ELN: variants seen among roughly 807,000 people sequenced by gnomAD.
ELN encodes the protein elastin.
A neutral mutation model predicts 105.8 loss-of-function variants in ELN; 65 were observed. That is an observed-to-expected ratio of 0.61 (90% confidence interval 0.50 to 0.75). The LOEUF is 0.75. Ranked by LOEUF, ELN falls within the 30% of genes least tolerant of loss-of-function variation. The pLI, the probability that ELN is intolerant of heterozygous loss-of-function variation, is 0.00. For missense variants in ELN, 882 were observed against 969.4 expected, an observed-to-expected ratio of 0.91 and a Z score of 1.20; for synonymous variants, 368 against 389.2, an observed-to-expected ratio of 0.95 and a Z score of 0.64.
intron 15 of ELN, among the ~76,000 whole-genome samples, chr7:74,050,061 CCATT>C (rs1793638644): frequency 6.6e-6 from 1 of 151,008 alleles, no homozygotes; most frequent in South Asian, 2.1e-4. Flanking sequence ...ATCCTTCCAT[CCATT>C]CATCCATCCA....
At chr7:74,046,371 C>A (rs1453959399) in intron 11 of ELN, among the ~76,000 whole-genome samples, 154 bp downstream of exon 11, 1 of 152,246 alleles carries the variant, frequency 6.6e-6, no homozygotes, top group Non-Finnish European at 1.5e-5. Flanking sequence ...CAAAGTGGCA[C>A]CCATCCCAGG....
chr7:74,042,096 G>T (rs1791354701), intron 5 of ELN, among the ~76,000 whole-genome samples: 1 of 151,832 alleles, frequency 6.6e-6, no homozygotes, highest in Admixed American at 6.6e-5. Flanking sequence ...TTTTGTCAGA[G>T]CTGTCTAACA....
chr7:74,066,982 G>A (rs933652213), intron 32 of ELN, among the ~76,000 whole-genome samples: 1 of 152,172 alleles, frequency 6.6e-6, no homozygotes, highest in African/African-American at 2.4e-5. Flanking sequence ...GGGAACATTT[G>A]CTTTTTAAAA....
chr7:74,029,684 A>C (rs1369094385), intron 1 of ELN, among the ~76,000 whole-genome samples: 2 of 152,178 alleles, frequency 1.3e-5, no homozygotes, highest in Non-Finnish European at 2.9e-5. Flanking sequence ...CAGCAGGGGC[A>C]ACGAGCCAGG....
rs782456792 is a variant in ELN at position 74,051,996 on chromosome 7, C to A, written c.949+13C>A. The A allele has an allele frequency of 1.9e-6, 3 of 1,612,464 alleles. No individual in the cohort carries two copies. The South Asian group carries it at 3.3e-5, about 18-fold the overall frequency. On this transcript the variant is annotated intron_variant, in intron 17 of 32. Transcript: ENST00000252034. ...GCAGCCAAGTATGGTGAGTGCCTCC[C>A]GGGGTGGCAAGTCCACGGCTCGGGC...
chr7:74,054,738 T>A lies in ELN; in HGVS notation c.1119T>A (p.Ala373=). The change falls in exon 19 of 33, where the codon GCT becomes GCA. Residue 373 remains alanine, a synonymous_variant. Coordinates refer to ENST00000252034, the MANE Select transcript of ELN (RefSeq NM_000501.4). ...CAGGGGTTGTGTCACCAGAAGCAGC[T>A]GCTAAGGCAGCTGCAAAGGCAGCCA... is the stretch of plus-strand genomic sequence containing the variant. ...AVPGVVSPEA[A]AKAAAKAAKY... 6.2e-7 allele frequency: 1 copy of A among 1,614,178 alleles called. No individual in the cohort carries two copies. The highest frequency in any genetic ancestry group is 8.5e-7 in the Non-Finnish European group (1 of 1,180,016).
rs1676727634 is a variant in ELN, at chr7:74,063,030, C to T, written c.1787-123C>T. On this transcript the variant is annotated intron_variant, in intron 26 of 32. Coordinates refer to ENST00000252034, the MANE Select transcript of ELN (RefSeq NM_000501.4). The surrounding 1 kb of genome is among the most constrained non-coding windows in gnomAD (Gnocchi z 4.1). ...TGAAACAAAATATGGACTGGACTTC[C>T]TGTCCACTGCTCCTCCACAGTGTCA... The T allele has an allele frequency of 2.4e-6, 3 of 1,237,994 alleles. No individual in the cohort carries two copies. Among genetic ancestry groups the T allele is most frequent in the Non-Finnish European group, 3.4e-6 (3 of 887,106 alleles). The allele number at this position is 1,237,994 out of a possible 1,614,324, so 76.7% of individuals were successfully genotyped here.
Position 74,028,254 on chromosome 7 carries a change from C to A in ELN, c.67C>A (p.Pro23Thr). The part of the protein sequence containing the change: ...VLLLLLSILH[P>T]SRPGGVPGAI... Reference sequence around the variant, plus strand: ...CCTGCTCCTGCTGTCCATCCTCCACCCCTCTCGGCCTGGAGGTAAGGACCC... The same window carrying A: ...CCTGCTCCTGCTGTCCATCCTCCACACCTCTCGGCCTGGAGGTAAGGACCC... The change falls in exon 1 of 33, where the codon CCC (proline) becomes ACC (threonine). Residue 23 changes from proline (P) to threonine (T), a missense_variant. Coordinates refer to ENST00000252034, the MANE Select transcript of ELN (RefSeq NM_000501.4). The A allele has an allele frequency of 6.2e-7, 1 of 1,609,356 alleles. No individual in the cohort carries two copies. Among genetic ancestry groups the A allele is most frequent in the Non-Finnish European group, 8.5e-7 (1 of 1,179,546 alleles).
rs1554670410 is a variant in ELN at position 74,043,903 on chromosome 7, C to T, written c.452C>T (p.Pro151Leu). ...VPGVGLPGVY[P>L]GGVLPGARFP... is the part of the protein sequence containing the mutation. The stretch of plus-strand genomic sequence containing the variant: ...GGTGTGGGGCTGCCAGGTGTATACC[C>T]AGGTGGCGTGCTCCCAGGTGAGAGC... The change falls in exon 9 of 33, where the codon CCA becomes CTA. Residue 151 changes from proline to leucine, a missense_variant. Transcript: ENST00000252034. 3.1e-6 allele frequency: 5 copies of T among 1,614,034 alleles called. No homozygotes were observed. The South Asian group carries it at 5.5e-5, about 18-fold the overall frequency.
intron 1 of ELN, among the ~76,000 whole-genome samples, chr7:74,028,862 TTGTG>T (rs143136809): frequency 4.0e-4 from 60 of 149,286 alleles, no homozygotes; most frequent in African/African-American, 9.8e-4. Context: ...TGGTATGCAT[TTGTG>T]TGTGTGTGTG....
intron 22 of ELN, 140 bp downstream of exon 22, chr7:74,057,836 C>A: frequency 3.2e-6 from 3 of 924,234 alleles, no homozygotes; most frequent in Admixed American, 2.1e-5. Context: ...CTCCTTAGAC[C>A]TTTTGGCCCA....
intron 18 of ELN, among the ~76,000 whole-genome samples, chr7:74,053,730 G>A (rs1484847650): frequency 1.3e-5 from 2 of 151,802 alleles, no homozygotes; most frequent in Admixed American, 1.3e-4. Flanking sequence ...ATGGGTGGGT[G>A]GATGGATGGA....
intron 11 of ELN, 96 bp from the exon 12 acceptor site, chr7:74,046,600 T>C: frequency 7.4e-7 from 1 of 1,348,268 alleles, no homozygotes; most frequent in Non-Finnish European, 1.1e-6. Context: ...CTGGATGCTG[T>C]AGCAAGCTCC....
intron 21 of ELN, chr7:74,057,290 T>C (rs1795461124): frequency 9.5e-7 from 1 of 1,058,142 alleles, no homozygotes. Flanking sequence ...CAGGAAGCCA[T>C]TCTCTTCTTC....
At position 74,051,822 on chromosome 7, in the gene ELN, G is replaced by A. The variant is rs1554676243; in HGVS notation, c.872G>A (p.Gly291Glu). 1.2e-6 allele frequency: 2 copies of A among 1,614,212 alleles called. No homozygotes were observed. The highest frequency in any genetic ancestry group is 1.7e-5 in the Admixed American group (1 of 60,032). The change falls in exon 16 of 33, where the codon GGA becomes GAA. Residue 291 changes from glycine (G) to glutamate (E), a missense_variant. Gly to Glu is a moderately conservative substitution (Grantham distance 98). Coordinates refer to ENST00000252034, the MANE Select transcript of ELN (RefSeq NM_000501.4). The stretch of plus-strand genomic sequence containing the variant: ...CCTGGCGTGCCTGGGGCAATTCCTG[G>A]AATTGGAGGCATCGCAGGTAACATC... Reference protein sequence around the residue: ...GVPGVPGAIPGIGGIAGVGTP... With the variant: ...GVPGVPGAIPEIGGIAGVGTP...
At chr7:74,068,593 C>A in intron 32 of ELN, 64 bp from the exon 33 acceptor site, 1 of 1,599,622 alleles carries the variant, frequency 6.3e-7, no homozygotes, top group Non-Finnish European at 8.6e-7. Flanking sequence ...TCAGAGCAGG[C>A]GGGGATTAGA....
At chr7:74,042,776 C>G in intron 6 of ELN, 70 bp downstream of exon 6, 1 of 1,585,994 alleles carries the variant, frequency 6.3e-7, no homozygotes, top group Non-Finnish European at 8.6e-7. Flanking sequence ...TTGCAAAGAA[C>G]CTTCCCTCAA....
intron 3 of ELN, among the ~76,000 whole-genome samples, chr7:74,036,815 T>C (rs1584495988): frequency 6.6e-6 from 1 of 151,944 alleles, no homozygotes. Context: ...CTATTTCTTC[T>C]TTTTTTTGGT....
intron 3 of ELN, among the ~76,000 whole-genome samples, chr7:74,037,424 C>T (rs956518482): frequency 3.3e-5 from 5 of 152,052 alleles, no homozygotes; most frequent in Non-Finnish European, 5.9e-5. Context: ...AAACTCCTGA[C>T]CTCAGATGAT....
Sources: allele counts gnomAD v4.1 joint callset (sites outside exome capture counted in the v4.1 genomes callset), GRCh38; gene constraint gnomAD v4.1.1; non-coding constraint Gnocchi (gnomAD v3.1); transcripts MANE v1.5; gene names NCBI Gene and HGNC (gene_info 2026-07-23, HGNC 2026-07-21).